The following CIRSR variants were observed in gnomAD, a reference collection of about 807,000 sequenced individuals.
CIRSR encodes the protein CBF1 (RBPJ) interacting corepressor 1.
chr2:174,359,154 T>C, the CIRSR span, among the ~76,000 whole-genome samples: 2 of 152,064 alleles, frequency 1.3e-5, no homozygotes, highest in Admixed American at 1.3e-4. Flanking sequence ...ACAGATAAAA[T>C]TCATATACTG....
At chr2:174,389,820 T>C in the CIRSR span, among the ~76,000 whole-genome samples, 1 of 152,184 alleles carries the variant, frequency 6.6e-6, no homozygotes, top group Non-Finnish European at 1.5e-5. Context: ...ACTCCAGCTA[T>C]GGCCACTGCT....
chr2:174,388,086 G>A, the CIRSR span, among the ~76,000 whole-genome samples: 2 of 152,238 alleles, frequency 1.3e-5, no homozygotes, highest in African/African-American at 4.8e-5. Flanking sequence ...TGGGCCACAT[G>A]TGACCCACAG....
the CIRSR span, chr2:174,381,838 A>G: frequency 2.6e-6 from 3 of 1,145,044 alleles, no homozygotes; most frequent in Non-Finnish European, 3.8e-6. Context: ...ATTATAGAAT[A>G]ATCCACTCCC....
chr2:174,365,711 A>C, the CIRSR span, among the ~76,000 whole-genome samples: 1 of 152,202 alleles, frequency 6.6e-6, no homozygotes, highest in Admixed American at 6.5e-5. Flanking sequence ...AGACGTATTC[A>C]CTGTCACAAG....
chr2:174,382,818 G>A, the CIRSR span, among the ~76,000 whole-genome samples: 1 of 151,958 alleles, frequency 6.6e-6, no homozygotes, highest in African/African-American at 2.4e-5. Context: ...TGTAACAAAT[G>A]GAATGACTGG....
At chr2:174,350,848 T>C in the CIRSR span, 1 of 794,934 alleles carries the variant, frequency 1.3e-6, no homozygotes, top group Non-Finnish European at 1.9e-6. Flanking sequence ...AGGGACACAC[T>C]GTAGATGAAT....
the CIRSR span, among the ~76,000 whole-genome samples, chr2:174,381,505 T>C: frequency 1.3e-5 from 2 of 151,778 alleles, no homozygotes; most frequent in Non-Finnish European, 2.9e-5. Context: ...ATACAAAAAT[T>C]AGCCAGGCGT....
the CIRSR span, among the ~76,000 whole-genome samples, chr2:174,390,959 A>G: frequency 3.9e-5 from 6 of 152,290 alleles, no homozygotes; most frequent in East Asian, 1.2e-3. Context: ...CTTATAAATT[A>G]CCCAGTCTCA....
At chr2:174,373,828 C>CTGTGTG in the CIRSR span, among the ~76,000 whole-genome samples, 113 of 147,858 alleles carry the variant, frequency 7.6e-4, 1 homozygote, top group African/African-American at 2.9e-3. Flanking sequence ...TACTATCCCC[C>CTGTGTG]TGTGTGTGTG....
At chr2:174,385,215 C>CAAA in the CIRSR span, among the ~76,000 whole-genome samples, 6 of 94,096 alleles carry the variant, frequency 6.4e-5, no homozygotes, top group African/African-American at 1.6e-4. Context: ...ACCTTCCTCT[C>CAAA]AAAAAAAAAA....
chr2:174,351,368 C>T, the CIRSR span, among the ~76,000 whole-genome samples: 30 of 152,260 alleles, frequency 2.0e-4, no homozygotes, highest in Admixed American at 7.8e-4. Context: ...AACCTCATCA[C>T]CAGTTCAGTT....
At chr2:174,350,708 A>G in the CIRSR span, 7 of 1,610,072 alleles carry the variant, frequency 4.3e-6, no homozygotes, top group East Asian at 2.2e-5. Flanking sequence ...TAAAAATTCA[A>G]CTTCTGGATC....
the CIRSR span, chr2:174,395,645 G>C: frequency 6.2e-7 from 1 of 1,614,168 alleles, no homozygotes; most frequent in East Asian, 2.2e-5. Flanking sequence ...ACTAGGGAAA[G>C]CAGGGGCTAG....
At chr2:174,351,636 C>A in the CIRSR span, 3 of 1,612,558 alleles carry the variant, frequency 1.9e-6, no homozygotes, top group East Asian at 4.5e-5. Flanking sequence ...GGATCATTTG[C>A]GGTCAAGTTT....
the CIRSR span, among the ~76,000 whole-genome samples, chr2:174,360,644 A>G: frequency 6.6e-6 from 1 of 152,200 alleles, no homozygotes; most frequent in African/African-American, 2.4e-5. Flanking sequence ...TGATTGGAGA[A>G]TCATAATGCC....
the CIRSR span, among the ~76,000 whole-genome samples, chr2:174,394,715 T>C: frequency 6.6e-6 from 1 of 152,182 alleles, no homozygotes; most frequent in Non-Finnish European, 1.5e-5. Context: ...TATAGCAGTA[T>C]CTCATCACCT....
At chr2:174,362,141 A>C in the CIRSR span, among the ~76,000 whole-genome samples, 1 of 151,266 alleles carries the variant, frequency 6.6e-6, no homozygotes, top group African/African-American at 2.4e-5. Flanking sequence ...ATTTTTTTAC[A>C]AAAAAAAATT....
At chr2:174,374,786 T>C in the CIRSR span, among the ~76,000 whole-genome samples, 1 of 152,204 alleles carries the variant, frequency 6.6e-6, no homozygotes, top group Non-Finnish European at 1.5e-5. Flanking sequence ...TCCTTTTGCC[T>C]AAGATGCTCA....
chr2:174,353,839 T>C, the CIRSR span, among the ~76,000 whole-genome samples: 17 of 152,276 alleles, frequency 1.1e-4, no homozygotes, highest in Non-Finnish European at 2.4e-4. Flanking sequence ...AGGAACTTAA[T>C]TTTATAAAGT....
Sources: gnomAD v4.1 joint callset for allele counts (sites outside exome capture counted in the v4.1 genomes callset) on GRCh38, gnomAD v4.1.1 for gene constraint, MANE v1.5 for transcripts, NCBI Gene and HGNC (gene_info 2026-07-23, HGNC 2026-07-21) for gene names.